TRAF3IP3: variants seen among roughly 807,000 people sequenced by gnomAD.
TRAF3IP3 encodes TRAF3-interacting JNK-activating modulator.
TRAF3IP3 carries 64 observed loss-of-function variants against 86.5 expected under a neutral mutation model. That is an observed-to-expected ratio of 0.74 (90% CI 0.60 to 0.91). The LOEUF (loss-of-function observed/expected upper bound fraction) is 0.91, where lower values mean the gene tolerates loss of function less well. TRAF3IP3 is among the 40% of genes least tolerant of loss of function. The pLI, the probability that TRAF3IP3 is intolerant of heterozygous loss-of-function variation, is 0.00. For missense variants in TRAF3IP3, 579 were observed against 642.9 expected, an observed-to-expected ratio of 0.90 and a Z score of 1.07; for synonymous variants, 220 against 243.9, an observed-to-expected ratio of 0.90 and a Z score of 0.91.
chr1:209,765,954 C>T (rs986266552), intron 8 of TRAF3IP3, among the ~76,000 whole-genome samples: 1 of 152,186 alleles, frequency 6.6e-6, no homozygotes, highest in African/African-American at 2.4e-5. Flanking sequence ...TTAGTATGTA[C>T]TATAAATTCA....
In TRAF3IP3 at chr1:209,759,302, G is replaced by A. The variant is rs777435199; in HGVS notation, c.-59+168G>A. Among the ~76,000 whole-genome samples the A allele has an allele frequency of 2.6e-5, 4 of 152,176 alleles. No individual in the cohort carries two copies. The East Asian group carries it at 5.8e-4, about 22-fold the overall frequency. ...CCCAGTCCTGAGCTTGGAGTGGGGG[G>A]CCCATGGACCATTGTCAGGACAGCA... On this transcript the variant is annotated intron_variant, in intron 2 of 16. Coordinates refer to ENST00000367025, the MANE Select transcript of TRAF3IP3 (RefSeq NM_025228.4).
intron 1 of TRAF3IP3, among the ~76,000 whole-genome samples, chr1:209,757,981 T>A (rs970438462): frequency 6.6e-6 from 1 of 152,162 alleles, no homozygotes; most frequent in South Asian, 2.1e-4. Flanking sequence ...AGCCAGGACA[T>A]GAGTCCACGC....
intron 8 of TRAF3IP3, 109 bp downstream of exon 8, chr1:209,763,696 A>G: frequency 1.1e-6 from 1 of 929,790 alleles, no homozygotes. Context: ...CACTACTGAA[A>G]AGTAAGCTGG....
intron 8 of TRAF3IP3, among the ~76,000 whole-genome samples, chr1:209,772,332 T>C (rs1399340529): frequency 6.6e-6 from 1 of 152,176 alleles, no homozygotes; most frequent in East Asian, 1.9e-4. Flanking sequence ...CCTCTTTTAA[T>C]AAGGACATCC....
chr1:209,760,617 AAG>A (rs1043854718), intron 3 of TRAF3IP3, among the ~76,000 whole-genome samples: 21 of 152,332 alleles, frequency 1.4e-4, no homozygotes, highest in African/African-American at 4.6e-4. Context: ...CTTGACTTAT[AAG>A]AGAGAAAAAA....
At chr1:209,772,695 A>T (rs1404678695) in intron 8 of TRAF3IP3, among the ~76,000 whole-genome samples, 2 of 152,152 alleles carry the variant, frequency 1.3e-5, no homozygotes, top group African/African-American at 4.8e-5. Flanking sequence ...TGCTACCCTG[A>T]GCCATTTGAT....
intron 9 of TRAF3IP3, among the ~76,000 whole-genome samples, chr1:209,774,995 G>T (rs1285146541): frequency 6.6e-6 from 1 of 152,082 alleles, no homozygotes; most frequent in East Asian, 1.9e-4. Flanking sequence ...CCTGGTTTAG[G>T]GTTTGGAAAA....
At position 209,759,973 on chromosome 1, in the gene TRAF3IP3, A is replaced by G; in HGVS notation, c.-58-9A>G. ...CCCTCCCCTTCTCCTCCCTCTTGGC[A>G]TTTGGCAGATCCAGGCATCTATTCC... On this transcript the variant is annotated splice_polypyrimidine_tract_variant and intron_variant, in intron 2 of 16. Coordinates refer to ENST00000367025, the MANE Select transcript of TRAF3IP3 (RefSeq NM_025228.4). 7.3e-7 allele frequency: 1 copy of G among 1,370,898 alleles called. No individual in the cohort carries two copies. Among genetic ancestry groups the G allele is most frequent in the Non-Finnish European group, 1.0e-6 (1 of 974,624 alleles). 84.9% of individuals were successfully genotyped at this position (1,370,898 alleles called of 1,614,324 possible).
intron 12 of TRAF3IP3, 167 bp downstream of exon 12, chr1:209,777,654 A>T: frequency 2.9e-6 from 2 of 695,546 alleles, no homozygotes; most frequent in Non-Finnish European, 2.3e-6. Context: ...GACTGTTTTA[A>T]TCATCCAAAA....
At chr1:209,768,548 A>G in intron 8 of TRAF3IP3, 1 of 985,582 alleles carries the variant, frequency 1.0e-6, no homozygotes, top group Non-Finnish European at 1.2e-6. Context: ...GAGCAGAGAG[A>G]TGAGCTGTGG....
chr1:209,779,062 G>A, intron 13 of TRAF3IP3: 1 of 548,356 alleles, frequency 1.8e-6, no homozygotes. Flanking sequence ...AAGGACACCA[G>A]TGATATTAGA....
chr1:209,763,555 A>T lies in TRAF3IP3; in HGVS notation c.670A>T (p.Thr224Ser). The T allele has an allele frequency of 6.2e-7, 1 of 1,614,100 alleles. No homozygotes were observed. The highest frequency in any genetic ancestry group is 8.5e-7 in the Non-Finnish European group (1 of 1,180,008). ...KMVILQDLLSTLIQASDSSWK... is the reference protein window; with the variant it reads ...KMVILQDLLSSLIQASDSSWK... ...GGTGATTCTCCAAGACCTACTGTCCACTCTGATTCAGGCCTCTGACAGCTC... is the reference window on the plus strand; with the variant it reads ...GGTGATTCTCCAAGACCTACTGTCCTCTCTGATTCAGGCCTCTGACAGCTC... Residue 224 changes from threonine to serine, a missense_variant, in exon 8 of 17, where the codon ACT becomes TCT. Physicochemically the swap from Thr to Ser is moderately conservative, Grantham distance 58. Coordinates refer to ENST00000367025, the MANE Select transcript of TRAF3IP3 (RefSeq NM_025228.4).
chr1:209,781,402 C>T lies in TRAF3IP3; in HGVS notation c.1507C>T (p.Arg503Cys), dbSNP rs753377939. 3.7e-6 allele frequency: 6 copies of T among 1,613,462 alleles called. No individual in the cohort carries two copies. The highest frequency in any genetic ancestry group is 1.6e-4 in the Middle Eastern group (1 of 6,076). The change falls in exon 16 of 17, where the codon CGT becomes TGT. Residue 503 changes from arginine (R) to cysteine (C), a missense_variant. Physicochemically the swap from Arg to Cys is radical, Grantham distance 180. Coordinates refer to ENST00000367025, the MANE Select transcript of TRAF3IP3 (RefSeq NM_025228.4). ...NLSDEYLSCL[R>C]KLQHCREELN... Reference sequence around the variant, plus strand: ...CAGTGACGAGTATCTCTCCTGCCTGCGTAAGCTGCAGCACTGTCGAGAAGA... The same window carrying T: ...CAGTGACGAGTATCTCTCCTGCCTGTGTAAGCTGCAGCACTGTCGAGAAGA...
intron 8 of TRAF3IP3, among the ~76,000 whole-genome samples, chr1:209,770,879 G>GAGGTGTGCGTGTGCAGGTGA (rs1558019710): frequency 3.5e-5 from 5 of 142,516 alleles, no homozygotes; most frequent in Non-Finnish European, 6.1e-5. Flanking sequence ...GTGCCATGTG[G>GAGGTGTGCGTGTGCAGGTGA]AGGTGTGCGT....
At chr1:209,759,755 G>A (rs540322459) in intron 2 of TRAF3IP3, among the ~76,000 whole-genome samples, 2 of 152,272 alleles carry the variant, frequency 1.3e-5, no homozygotes, top group East Asian at 3.9e-4. Context: ...TTACAAAGGG[G>A]AAACATCGGC....
chr1:209,766,439 CA>C (rs2077358669), intron 8 of TRAF3IP3, among the ~76,000 whole-genome samples: 1 of 152,182 alleles, frequency 6.6e-6, no homozygotes, highest in Admixed American at 6.5e-5. Context: ...GCCATGAAGA[CA>C]GAGACATGTA....
chr1:209,759,907 CT>C (rs1248935662), intron 2 of TRAF3IP3, 74 bp from the exon 3 acceptor site: 2 of 702,456 alleles, frequency 2.8e-6, no homozygotes, highest in Non-Finnish European at 4.9e-6. Context: ...TTTCTGCCCC[CT>C]GGTCTAGGGA....
In TRAF3IP3 at chr1:209,780,484, G is replaced by A. The variant is rs758375285; in HGVS notation, c.1327G>A (p.Val443Met). The A allele has an allele frequency of 2.0e-5, 32 of 1,592,490 alleles. No individual in the cohort carries two copies. The highest frequency in any genetic ancestry group is 2.7e-5 in the African/African-American group (2 of 73,840). The stretch of plus-strand genomic sequence containing the variant: ...TGCTTTTTTAGATCAGGCTTTGCCC[G>A]TGTGGAGTCCAAAGTCCTTCCCTAA... ...LLTKKDQALP[V>M]WSPKSFPNEV... Residue 443 changes from valine (V) to methionine (M), a missense_variant, in exon 15 of 17, where the codon GTG becomes ATG. Val to Met is a conservative substitution (Grantham distance 21). Coordinates refer to ENST00000367025, the MANE Select transcript of TRAF3IP3 (RefSeq NM_025228.4).
At chr1:209,770,682 TGTGTGTGTGCATGTGGAG>T (rs2077460206) in intron 8 of TRAF3IP3, among the ~76,000 whole-genome samples, 2 of 127,266 alleles carry the variant, frequency 1.6e-5, no homozygotes, top group African/African-American at 6.4e-5. Context: ...CATATGGAGG[TGTGTGTGTGCATGTGGAG>T]GTGTGTGTGT....
Sources: allele counts gnomAD v4.1 joint callset (sites outside exome capture counted in the v4.1 genomes callset), GRCh38; gene constraint gnomAD v4.1.1; transcripts MANE v1.5; gene names NCBI Gene and HGNC (gene_info 2026-07-23, HGNC 2026-07-21).